CLPB: variants seen among roughly 807,000 people sequenced by gnomAD.
CLPB encodes mitochondrial disaggregase.
In CLPB, 40 loss-of-function variants were observed where a neutral mutation model predicts 78.4. The ratio of observed to expected loss-of-function variants is 0.51; its 90% CI spans 0.40 to 0.66. The LOEUF (loss-of-function observed/expected upper bound fraction) is 0.66, where lower values mean the gene tolerates loss of function less well. Ranked by LOEUF, CLPB falls within the 30% of genes least tolerant of loss-of-function variation. CLPB has a pLI of 0.00. For missense variants in CLPB, 780 were observed against 886.9 expected (o/e 0.88, Z 1.53); for synonymous variants, 333 against 348.0 (o/e 0.96, Z 0.48).
At chr11:72,346,831 T>C (rs771335311) in intron 5 of CLPB, among the ~76,000 whole-genome samples, 57 of 151,204 alleles carry the variant, frequency 3.8e-4, no homozygotes, top group Admixed American at 5.9e-4. Context: ...TACAAAAAAA[T>C]TTAGCCGGGC....
chr11:72,424,087 C>T (rs1352034399), intron 2 of CLPB, among the ~76,000 whole-genome samples: 2 of 152,232 alleles, frequency 1.3e-5, no homozygotes, highest in Admixed American at 1.3e-4. Context: ...CCCAAACAGA[C>T]AAAGACAGTG....
In CLPB at chr11:72,308,817, G is replaced by A. The variant is rs933335790; in HGVS notation, c.989-213C>T. ...TAGCATGGATTTGGAAAGCTGCCCA[G>A]AGCAGATTTCGGATAAAGTTTTCCA... On this transcript the variant is annotated intron_variant, in intron 7 of 15. Coordinates refer to ENST00000538039, the MANE Select transcript of CLPB (RefSeq NM_001258392.3). Among the ~76,000 whole-genome samples the A allele has an allele frequency of 8.5e-4, 129 of 152,194 alleles. 5 individuals carry two copies. Among genetic ancestry groups the A allele is most frequent in the Non-Finnish European group, 1.5e-5 (1 of 68,034 alleles).
intron 6 of CLPB, among the ~76,000 whole-genome samples, chr11:72,327,107 T>C (rs1458605442): frequency 6.6e-6 from 1 of 152,236 alleles, no homozygotes; most frequent in African/African-American, 2.4e-5. Flanking sequence ...AGGGAATCCC[T>C]GGACTGGCTC....
At chr11:72,306,798 T>C (rs529724770) in intron 9 of CLPB, among the ~76,000 whole-genome samples, 2 of 152,346 alleles carry the variant, frequency 1.3e-5, no homozygotes, top group South Asian at 2.1e-4. Flanking sequence ...AATGTTGTCT[T>C]TCTGAAGCTG....
chr11:72,371,002 G>C (rs1328060904), intron 4 of CLPB, among the ~76,000 whole-genome samples: 4 of 152,114 alleles, frequency 2.6e-5, no homozygotes, highest in Non-Finnish European at 4.4e-5. Context: ...CTGTGTGCCT[G>C]CTTCACCCTA....
rs569150481 is a variant in CLPB at position 72,378,563 on chromosome 11, C to T, written c.646+1718G>A. Among the ~76,000 whole-genome samples the T allele has an allele frequency of 1.9e-4, 29 of 152,240 alleles. No homozygotes were observed. In the South Asian group the frequency reaches 2.1e-3, roughly 11 times the overall value. On this transcript the variant is annotated intron_variant, in intron 4 of 15. Coordinates refer to ENST00000538039, the MANE Select transcript of CLPB (RefSeq NM_001258392.3). ...TTTTCCCTAGGTCCCTGCCACAACA[C>T]GTGGGAATTCTGGGAGATAAATTCA...
At chr11:72,340,048 T>G (rs1590815871) in intron 5 of CLPB, among the ~76,000 whole-genome samples, 1 of 152,224 alleles carries the variant, frequency 6.6e-6, no homozygotes, top group Non-Finnish European at 1.5e-5. Context: ...CAAGTGGCTG[T>G]GGTGTCAGGG....
At chr11:72,423,994 C>T (rs1856287397) in intron 2 of CLPB, among the ~76,000 whole-genome samples, 1 of 152,328 alleles carries the variant, frequency 6.6e-6, no homozygotes, top group South Asian at 2.1e-4. Context: ...AAGCTTTGAT[C>T]TAGGACTTTG....
chr11:72,409,703 T>G (rs1447511771), intron 2 of CLPB, among the ~76,000 whole-genome samples: 1 of 151,088 alleles, frequency 6.6e-6, no homozygotes, highest in Non-Finnish European at 1.5e-5. Context: ...GGGGGCCAGG[T>G]GCAGTGGCTC....
intron 4 of CLPB, among the ~76,000 whole-genome samples, chr11:72,366,260 G>A (rs995061434): frequency 5.3e-5 from 8 of 152,116 alleles, no homozygotes; most frequent in African/African-American, 1.7e-4. Context: ...TGTCACCCAG[G>A]CTGGAGTACA....
At chr11:72,393,517 G>T (rs949105566) in intron 3 of CLPB, among the ~76,000 whole-genome samples, 3 of 152,146 alleles carry the variant, frequency 2.0e-5, no homozygotes, top group African/African-American at 4.8e-5. Flanking sequence ...AAAACCATAA[G>T]AGGCACAGCA....
rs537489278 is a variant in CLPB at position 72,333,426 on chromosome 11, T to C, written c.776-3622A>G. ...AAGGATTGGCAGAGCCAATGAATAG[T>C]TTCCCTCTTTATATTTCACGACTGT... On this transcript the variant is annotated intron_variant, in intron 5 of 15. Coordinates refer to ENST00000538039, the MANE Select transcript of CLPB (RefSeq NM_001258392.3). 2.0e-5 allele frequency among the ~76,000 whole-genome samples: 3 copies of C among 152,326 alleles called. No individual in the cohort carries two copies. The East Asian group carries it at 5.8e-4, about 29-fold the overall frequency.
intron 1 of CLPB, 34 bp downstream of exon 1, chr11:72,434,038 C>T (rs746715730): frequency 1.9e-6 from 3 of 1,598,666 alleles, no homozygotes; most frequent in East Asian, 2.2e-5. Context: ...ATCTTCCCGC[C>T]TCTCCCTTCC....
At chr11:72,431,178 A>C (rs1856535447) in intron 1 of CLPB, among the ~76,000 whole-genome samples, 2 of 152,226 alleles carry the variant, frequency 1.3e-5, no homozygotes, top group Non-Finnish European at 2.9e-5. Context: ...GTGGCCATAA[A>C]GAAAATTGGA....
At chr11:72,433,137 G>C (rs1856595099) in intron 1 of CLPB, among the ~76,000 whole-genome samples, 3 of 152,166 alleles carry the variant, frequency 2.0e-5, no homozygotes, top group Admixed American at 2.0e-4. Context: ...CACATGGCAA[G>C]ATCACCTCAC....
intron 5 of CLPB, among the ~76,000 whole-genome samples, chr11:72,353,970 TTAATAA>T (rs1472726317): frequency 6.6e-6 from 1 of 151,992 alleles, no homozygotes; most frequent in Non-Finnish European, 1.5e-5. Flanking sequence ...GTTTCTGAAG[TTAATAA>T]TAACAGAGAC....
intron 3 of CLPB, among the ~76,000 whole-genome samples, chr11:72,393,128 C>G (rs1156620524): frequency 2.0e-5 from 3 of 152,196 alleles, no homozygotes; most frequent in Admixed American, 6.5e-5. Context: ...TCACCCACAA[C>G]AGGGTTTCCA....
At chr11:72,403,757 T>C (rs899246572) in intron 2 of CLPB, among the ~76,000 whole-genome samples, 1 of 152,164 alleles carries the variant, frequency 6.6e-6, no homozygotes, top group African/African-American at 2.4e-5. Context: ...GCCTAACACA[T>C]TGTAGAAGCT....
In CLPB at chr11:72,301,845, G is replaced by A. The variant is rs143482511; in HGVS notation, c.1287C>T (p.Ala429=). The A allele has an allele frequency of 3.3e-4, 534 of 1,614,020 alleles. No homozygotes were observed. The highest frequency in any genetic ancestry group is 4.2e-4 in the Non-Finnish European group (491 of 1,180,018). The part of the protein sequence containing the change: ...AVVLFDEVDK[A]HPDVLTIMLQ... Reference sequence around the variant, plus strand: ...GCATGATGGTGAGCACATCTGGATGGGCCTTGTCTACTTCATCAAAGAGCA... The same window carrying A: ...GCATGATGGTGAGCACATCTGGATGAGCCTTGTCTACTTCATCAAAGAGCA... Residue 429 remains alanine (A), a synonymous_variant, in exon 11 of 16, where the codon GCC becomes GCT. Coordinates refer to ENST00000538039, the MANE Select transcript of CLPB (RefSeq NM_001258392.3).
Sources: allele counts gnomAD v4.1 joint callset (sites outside exome capture counted in the v4.1 genomes callset), GRCh38; gene constraint gnomAD v4.1.1; transcripts MANE v1.5; gene names NCBI Gene and HGNC (gene_info 2026-07-23, HGNC 2026-07-21).